Variants in PRKAR2A observed in about 807,000 individuals in gnomAD.
PRKAR2A encodes protein kinase cAMP-dependent type II regulatory subunit alpha.
A neutral mutation model predicts 51.9 loss-of-function variants in PRKAR2A; 29 were observed. The observed-to-expected ratio is 0.56, with a 90% CI of 0.42 to 0.76. The LOEUF (loss-of-function observed/expected upper bound fraction) is 0.76. PRKAR2A is among the 30% of genes least tolerant of loss of function. The pLI is 0.00. For synonymous variants in PRKAR2A, 178 were observed against 186.2 expected, an observed-to-expected ratio of 0.96 and a Z score of 0.36; for missense variants, 445 against 512.1, an observed-to-expected ratio of 0.87 and a Z score of 1.26.
rs183693894 is a variant in PRKAR2A at position 48,822,049 on chromosome 3, C to T, written c.263-14365G>A. 4.3e-4 allele frequency among the ~76,000 whole-genome samples: 65 copies of T among 151,890 alleles called. 1 individual carries two copies. Among genetic ancestry groups the T allele is most frequent in the Middle Eastern group, 6.8e-3 (2 of 294 alleles). On this transcript the variant is annotated intron_variant, in intron 1 of 10. Coordinates refer to ENST00000265563, the MANE Select transcript of PRKAR2A (RefSeq NM_004157.4). ...GACCAGCCTGGCCAACATGGCGAAA[C>T]CCCATCTCTAATATAGCTGGACATG...
intron 1 of PRKAR2A, among the ~76,000 whole-genome samples, chr3:48,813,483 AG>A (rs1253269238): frequency 6.6e-6 from 1 of 152,138 alleles, no homozygotes; most frequent in Non-Finnish European, 1.5e-5. Flanking sequence ...TCACGAGGTC[AG>A]GAGATTGAGA....
At chr3:48,844,598 C>A (rs1361776792) in intron 1 of PRKAR2A, among the ~76,000 whole-genome samples, 1 of 149,474 alleles carries the variant, frequency 6.7e-6, no homozygotes, top group Non-Finnish European at 1.5e-5. Flanking sequence ...AAATGTCCAA[C>A]AATGATAGAC....
At chr3:48,786,975 AAG>A (rs2082302863) in intron 4 of PRKAR2A, among the ~76,000 whole-genome samples, 1 of 152,062 alleles carries the variant, frequency 6.6e-6, no homozygotes, top group Non-Finnish European at 1.5e-5. Flanking sequence ...AACTCAAATG[AAG>A]AGACATTCTA....
intron 5 of PRKAR2A, among the ~76,000 whole-genome samples, chr3:48,774,998 C>T (rs2082084071): frequency 6.6e-6 from 1 of 152,012 alleles, no homozygotes; most frequent in Admixed American, 6.6e-5. Context: ...TTAATAAATG[C>T]CTTTAGTCTA....
chr3:48,845,837 T>C (rs1424275698), intron 1 of PRKAR2A, among the ~76,000 whole-genome samples: 4 of 151,778 alleles, frequency 2.6e-5, no homozygotes, highest in Non-Finnish European at 5.9e-5. Flanking sequence ...TCCCAGCTAC[T>C]TGGGAGGCCC....
intron 1 of PRKAR2A, among the ~76,000 whole-genome samples, chr3:48,826,464 C>T (rs1167672931): frequency 6.6e-6 from 1 of 152,168 alleles, no homozygotes; most frequent in African/African-American, 2.4e-5. Context: ...TGGAATCACC[C>T]TCCCAGCCCA....
chr3:48,791,702 C>T (rs2082391166), intron 3 of PRKAR2A, among the ~76,000 whole-genome samples: 1 of 145,684 alleles, frequency 6.9e-6, no homozygotes, highest in African/African-American at 2.5e-5. Flanking sequence ...GTCAGGAGTT[C>T]GAAACCAGCC....
intron 4 of PRKAR2A, among the ~76,000 whole-genome samples, chr3:48,786,724 C>A (rs2082300631): frequency 6.6e-6 from 1 of 151,820 alleles, no homozygotes; most frequent in Admixed American, 6.6e-5. Flanking sequence ...TAGTGTTAAT[C>A]ATAATAGCTA....
intron 5 of PRKAR2A, among the ~76,000 whole-genome samples, chr3:48,779,823 A>G (rs1454889559): frequency 6.8e-6 from 1 of 147,650 alleles, no homozygotes; most frequent in Non-Finnish European, 1.5e-5. Context: ...AAATAAATAA[A>G]TAAATAAAAT....
intron 9 of PRKAR2A, among the ~76,000 whole-genome samples, chr3:48,756,152 A>T (rs2081760505): frequency 6.6e-6 from 1 of 152,186 alleles, no homozygotes; most frequent in African/African-American, 2.4e-5. Flanking sequence ...CTAAATCATT[A>T]ATTACACAGC....
intron 1 of PRKAR2A, among the ~76,000 whole-genome samples, chr3:48,828,708 C>CAAAAAAAA (rs547132768): frequency 1.2e-5 from 1 of 83,422 alleles, no homozygotes; most frequent in Non-Finnish European, 2.2e-5. Context: ...CCCCTGTCTC[C>CAAAAAAAA]AAAAAAAAAA....
intron 9 of PRKAR2A, among the ~76,000 whole-genome samples, chr3:48,752,658 C>T (rs1004030621): frequency 2.0e-5 from 3 of 152,024 alleles, no homozygotes; most frequent in African/African-American, 7.2e-5. Context: ...TTTGAGACTG[C>T]GCCTTGAACA....
intron 1 of PRKAR2A, among the ~76,000 whole-genome samples, chr3:48,837,803 A>AG (rs1377464508): frequency 6.6e-6 from 1 of 152,024 alleles, no homozygotes; most frequent in African/African-American, 2.4e-5. Context: ...AAGTGGAAAA[A>AG]GGAAAAAAAA....
chr3:48,815,344 A>T (rs1001418329), intron 1 of PRKAR2A, among the ~76,000 whole-genome samples: 1 of 149,680 alleles, frequency 6.7e-6, no homozygotes, highest in Non-Finnish European at 1.5e-5. Flanking sequence ...TTTATATATT[A>T]TATATATATA....
intron 5 of PRKAR2A, among the ~76,000 whole-genome samples, chr3:48,778,471 G>A (rs907841305): frequency 5.9e-5 from 9 of 151,988 alleles, no homozygotes; most frequent in Middle Eastern, 3.4e-3. Flanking sequence ...ATAGGCATGC[G>A]CCACCATGCC....
chr3:48,798,084 G>C (rs1466116396), intron 2 of PRKAR2A, among the ~76,000 whole-genome samples: 1 of 151,838 alleles, frequency 6.6e-6, no homozygotes, highest in East Asian at 1.9e-4. Flanking sequence ...TCCTGAGCAG[G>C]TGGGATTACA....
intron 5 of PRKAR2A, among the ~76,000 whole-genome samples, chr3:48,775,387 G>A (rs990380628): frequency 1.3e-5 from 2 of 151,346 alleles, no homozygotes; most frequent in East Asian, 1.9e-4. Context: ...GCAGTGAGCC[G>A]AGATCATGTC....
At chr3:48,806,848 T>C (rs1430316088) in intron 2 of PRKAR2A, among the ~76,000 whole-genome samples, 2 of 152,026 alleles carry the variant, frequency 1.3e-5, no homozygotes, top group African/African-American at 4.8e-5. Flanking sequence ...CTTGGCTCAC[T>C]GAAATCTCCA....
intron 1 of PRKAR2A, among the ~76,000 whole-genome samples, chr3:48,818,715 C>T (rs1354103704): frequency 6.6e-6 from 1 of 152,126 alleles, no homozygotes; most frequent in Non-Finnish European, 1.5e-5. Flanking sequence ...TGCACTCCAA[C>T]CTGGGTGACA....
Sources: gnomAD v4.1 joint callset for allele counts (sites outside exome capture counted in the v4.1 genomes callset) on GRCh38, gnomAD v4.1.1 for gene constraint, MANE v1.5 for transcripts, NCBI Gene and HGNC (gene_info 2026-07-23, HGNC 2026-07-21) for gene names.